The following UTP6 variants were observed in gnomAD, a reference collection of about 807,000 sequenced individuals.
UTP6 encodes U3 small nucleolar RNA-associated protein 6 homolog.
UTP6 carries 60 observed loss-of-function variants against 96.5 expected under a neutral mutation model. The observed-to-expected ratio is 0.62, with a 90% CI of 0.51 to 0.77. The LOEUF is 0.77. Ranked by LOEUF, UTP6 falls within the 30% of genes least tolerant of loss-of-function variation. UTP6 has a pLI of 0.00. For synonymous variants in UTP6, 215 were observed against 240.1 expected, an observed-to-expected ratio of 0.90 and a Z score of 0.96; for missense variants, 637 against 706.5, an observed-to-expected ratio of 0.90 and a Z score of 1.12.
intron 6 of UTP6, among the ~76,000 whole-genome samples, chr17:31,891,566 A>C (rs1911494315): frequency 6.6e-6 from 1 of 152,166 alleles, no homozygotes; most frequent in African/African-American, 2.4e-5. Context: ...TTCACAAGAG[A>C]AATATTTCTC....
At chr17:31,894,763 G>T in intron 3 of UTP6, 26 bp from the exon 4 acceptor site, 1 of 1,571,134 alleles carries the variant, frequency 6.4e-7, no homozygotes, top group Non-Finnish European at 8.7e-7. Flanking sequence ...AAAAAACAGA[G>T]CCTCAACTTA....
intron 2 of UTP6, among the ~76,000 whole-genome samples, chr17:31,897,024 G>A (rs1406227792): frequency 6.6e-6 from 1 of 151,898 alleles, no homozygotes; most frequent in Non-Finnish European, 1.5e-5. Flanking sequence ...ACTGGCTCAA[G>A]TCTGTAATTC....
intron 2 of UTP6, among the ~76,000 whole-genome samples, chr17:31,896,288 G>C (rs1342856985): frequency 6.6e-6 from 1 of 151,950 alleles, no homozygotes; most frequent in South Asian, 2.1e-4. Context: ...ATGTTGACCA[G>C]GCTGATCTCC....
intron 12 of UTP6, 39 bp downstream of exon 12, chr17:31,878,663 A>G: frequency 1.3e-6 from 2 of 1,571,698 alleles, no homozygotes; most frequent in East Asian, 2.2e-5. Flanking sequence ...GAAGGCAGTC[A>G]CTATCTAGTC....
intron 16 of UTP6, among the ~76,000 whole-genome samples, chr17:31,871,916 G>A (rs749750551): frequency 2.0e-5 from 3 of 150,742 alleles, no homozygotes; most frequent in Non-Finnish European, 4.4e-5. Context: ...TATTTAGGCC[G>A]GGCACAGTGG....
intron 4 of UTP6, among the ~76,000 whole-genome samples, chr17:31,894,142 G>A (rs1034725055): frequency 6.6e-6 from 1 of 151,244 alleles, no homozygotes; most frequent in Admixed American, 6.6e-5. Flanking sequence ...GGTGGCATGC[G>A]CCTGTGATCC....
At chr17:31,870,813 G>A (rs143603316) in intron 16 of UTP6, among the ~76,000 whole-genome samples, 329 of 151,510 alleles carry the variant, frequency 2.2e-3, no homozygotes, top group African/African-American at 6.6e-3. Context: ...ATGAGCCACC[G>A]CACCTGGATG....
intron 2 of UTP6, among the ~76,000 whole-genome samples, chr17:31,899,015 G>C (rs1028662933): frequency 1.3e-5 from 2 of 152,176 alleles, no homozygotes; most frequent in African/African-American, 2.4e-5. Context: ...CTGGGTGACA[G>C]AGCAAGACTC....
In UTP6 at chr17:31,873,564, C is replaced by G; in HGVS notation, c.1387-77G>C. Reference sequence around the variant, plus strand: ...CCAAAACAGATTTTCCCAGAACCACCTGAGGCCACTCCATAGTGCTTTAGG... The same window carrying G: ...CCAAAACAGATTTTCCCAGAACCACGTGAGGCCACTCCATAGTGCTTTAGG... On this transcript the variant is annotated intron_variant, in intron 15 of 18. Coordinates refer to ENST00000261708, the MANE Select transcript of UTP6 (RefSeq NM_018428.3). 15 of 1,603,708 alleles carry G rather than the reference C, an allele frequency of 9.4e-6. No individual in the cohort carries two copies. In the South Asian group the frequency reaches 1.1e-4, roughly 12 times the overall value.
intron 1 of UTP6, among the ~76,000 whole-genome samples, chr17:31,900,956 C>T (rs898931008): frequency 1.6e-4 from 24 of 152,182 alleles, no homozygotes; most frequent in African/African-American, 5.3e-4. Flanking sequence ...TTACTACATT[C>T]AGACGTTGCA....
intron 18 of UTP6, among the ~76,000 whole-genome samples, chr17:31,864,145 G>A (rs1909685432): frequency 6.6e-6 from 1 of 152,118 alleles, no homozygotes; most frequent in African/African-American, 2.4e-5. Flanking sequence ...GGCACTTTGG[G>A]AGGCCAAGGC....
intron 17 of UTP6, chr17:31,866,717 T>TAAAAAA (rs61684764): frequency 4.6e-5 from 5 of 109,242 alleles, no homozygotes; most frequent in Non-Finnish European, 7.0e-5. Context: ...AGACTCCGTC[T>TAAAAAA]AAAAAAAAAA....
In UTP6 at chr17:31,878,707, C is replaced by G. The variant is rs79809527; in HGVS notation, c.1042G>C (p.Gly348Arg). 66 of 1,614,072 alleles carry G rather than the reference C, an allele frequency of 4.1e-5. No homozygotes were observed. In the African/African-American group the frequency reaches 8.5e-4, roughly 21 times the overall value. Residue 348 changes from glycine to arginine, a missense_variant, in exon 12 of 19, where the codon GGG becomes CGG. By Grantham distance (125) the Gly-to-Arg change is moderately radical (BLOSUM62 -2). Coordinates refer to ENST00000261708, the MANE Select transcript of UTP6 (RefSeq NM_018428.3). ...TAACCATGTAACAACCTCACCTTCC[C>G]TCTAAGGAACCCACTATTTGACTTC... ...TKKSNSGFLR[G>R]KRLERTMTVF...
At chr17:31,873,866 A>C (rs1039635984) in intron 14 of UTP6, 113 bp from the exon 15 acceptor site, 2 of 1,197,364 alleles carry the variant, frequency 1.7e-6, no homozygotes, top group Non-Finnish European at 2.3e-6. Flanking sequence ...ATAAAATGAC[A>C]GTTTAGTCCT....
At chr17:31,879,382 T>C (rs972132951) in intron 11 of UTP6, among the ~76,000 whole-genome samples, 2 of 150,160 alleles carry the variant, frequency 1.3e-5, no homozygotes, top group Non-Finnish European at 3.0e-5. Context: ...AGCGTGAGAC[T>C]CTGTCTCAAA....
intron 11 of UTP6, 149 bp downstream of exon 11, chr17:31,880,424 A>G (rs1339236294): frequency 3.2e-6 from 3 of 926,184 alleles, no homozygotes; most frequent in Non-Finnish European, 4.7e-6. Flanking sequence ...CTGCCTCCCA[A>G]TAAAAAAAAA....
Position 31,878,814 on chromosome 17 carries a change from T to C in UTP6, c.968-33A>G, listed in dbSNP as rs755056405. On this transcript the variant is annotated intron_variant, in intron 11 of 18. Coordinates refer to ENST00000261708, the MANE Select transcript of UTP6 (RefSeq NM_018428.3). ...AGTCAGAAAGATTGTGTTGATCAGA[T>C]CACTTAGTTCAACATTCATCACATC... 3.5e-5 allele frequency: 56 copies of C among 1,580,704 alleles called. No homozygotes were observed. In the South Asian group the frequency reaches 5.2e-4, roughly 15 times the overall value.
In UTP6 at chr17:31,901,696, C is replaced by CA; in HGVS notation, c.-70dup. Reference sequence around the variant, plus strand: ...AACACGAGCAGGAAGCTCCCGGTTTCAGGTTCGGAGACCCAGCCCTACCAC... The same window carrying CA: ...AACACGAGCAGGAAGCTCCCGGTTTCAAGGTTCGGAGACCCAGCCCTACCAC... On this transcript the variant is annotated 5_prime_UTR_variant, in exon 1 of 19. Transcript: ENST00000261708. The CA allele has an allele frequency of 4.0e-6, 6 of 1,516,128 alleles. No homozygotes were observed. The highest frequency in any genetic ancestry group is 5.5e-6 in the Non-Finnish European group (6 of 1,100,404). The allele number at this position is 1,516,128 out of a possible 1,614,324, so 93.9% of individuals were successfully genotyped here.
intron 14 of UTP6, 129 bp from the exon 15 acceptor site, chr17:31,873,882 C>A: frequency 2.0e-6 from 2 of 1,020,676 alleles, no homozygotes; most frequent in Non-Finnish European, 1.4e-6. Flanking sequence ...GTCCTATGCT[C>A]TGAAAACTAG....
Sources: gnomAD v4.1 joint callset for allele counts (sites outside exome capture counted in the v4.1 genomes callset) on GRCh38, gnomAD v4.1.1 for gene constraint, MANE v1.5 for transcripts, NCBI Gene and HGNC (gene_info 2026-07-23, HGNC 2026-07-21) for gene names.